The following TMEM87A variants were observed in gnomAD, a reference collection of about 807,000 sequenced individuals.
TMEM87A encodes the protein Golgi-pH regulating cation channel.
A neutral mutation model predicts 90.0 loss-of-function variants in TMEM87A; 50 were observed. The ratio of observed to expected loss-of-function variants is 0.56; its 90% CI spans 0.44 to 0.70. The LOEUF (loss-of-function observed/expected upper bound fraction) is 0.70. Ranked by LOEUF, TMEM87A falls within the 30% of genes least tolerant of loss-of-function variation. The pLI is 0.00. For synonymous variants in TMEM87A, 226 were observed against 226.7 expected (o/e 1.00, Z 0.03); for missense variants, 577 against 660.5 (o/e 0.87, Z 1.39).
chr15:42,260,835 A>T, intron 6 of TMEM87A, 123 bp downstream of exon 6: 1 of 1,078,356 alleles, frequency 9.3e-7, no homozygotes, highest in Non-Finnish European at 1.3e-6. Flanking sequence ...ATTTTGGTCT[A>T]TAGCTTCCAG....
chr15:42,221,202 T>C lies in TMEM87A; in HGVS notation c.1404-1067A>G, dbSNP rs145673722. Among the ~76,000 whole-genome samples the C allele has an allele frequency of 1.5e-3, 233 of 151,142 alleles. 2 individuals are homozygous for C. The highest frequency in any genetic ancestry group is 4.6e-3 in the African/African-American group (189 of 41,110). On this transcript the variant is annotated intron_variant, in intron 15 of 19. Transcript: ENST00000389834. Reference sequence around the variant, plus strand: ...GAACAGAAGTTGCAGTGAGCCAAGATTGCACCACTGCACTCCAGCCTGGGC... The same window carrying C: ...GAACAGAAGTTGCAGTGAGCCAAGACTGCACCACTGCACTCCAGCCTGGGC...
intron 12 of TMEM87A, 51 bp downstream of exon 12, chr15:42,231,141 T>C: frequency 9.6e-7 from 1 of 1,043,638 alleles, no homozygotes; most frequent in Non-Finnish European, 1.3e-6. Flanking sequence ...TGGAAACCCA[T>C]CTCAAGGGGA....
chr15:42,246,390 C>T (rs1173799909), intron 6 of TMEM87A, among the ~76,000 whole-genome samples: 1 of 152,074 alleles, frequency 6.6e-6, no homozygotes, highest in Non-Finnish European at 1.5e-5. Flanking sequence ...TGGTTTGTTG[C>T]ACCCATTAAC....
intron 11 of TMEM87A, chr15:42,231,695 A>G (rs1182752395): frequency 1.6e-5 from 3 of 185,224 alleles, no homozygotes; most frequent in Admixed American, 6.3e-5. Context: ...TAAAATTATA[A>G]TATTTTACAA....
chr15:42,227,888 C>T, intron 13 of TMEM87A, 119 bp from the exon 14 acceptor site: 1 of 778,280 alleles, frequency 1.3e-6, no homozygotes, highest in Non-Finnish European at 2.2e-6. Flanking sequence ...TACATCACAA[C>T]TCTATCAGTT....
intron 6 of TMEM87A, 115 bp downstream of exon 6, chr15:42,260,843 C>A: frequency 8.6e-7 from 1 of 1,166,748 alleles, no homozygotes; most frequent in Non-Finnish European, 1.2e-6. Flanking sequence ...CTATAGCTTC[C>A]AGATTTAACT....
intron 14 of TMEM87A, 44 bp from the exon 15 acceptor site, chr15:42,226,953 A>G: frequency 6.4e-7 from 1 of 1,557,960 alleles, no homozygotes; most frequent in Non-Finnish European, 8.8e-7. Context: ...ACATTATCTT[A>G]ACCCCTTGTT....
intron 6 of TMEM87A, among the ~76,000 whole-genome samples, chr15:42,246,302 GT>G (rs201536145): frequency 8.6e-5 from 13 of 150,968 alleles, no homozygotes; most frequent in South Asian, 2.1e-4. Context: ...AAGTTTTGTT[GT>G]TTTTTTTTAT....
At chr15:42,229,285 C>T (rs1259517107) in intron 12 of TMEM87A, among the ~76,000 whole-genome samples, 2 of 151,720 alleles carry the variant, frequency 1.3e-5, no homozygotes, top group Admixed American at 1.3e-4. Flanking sequence ...ATTACAGGCA[C>T]GAGCCACCAT....
At chr15:42,270,497 G>A (rs2051499515) in intron 2 of TMEM87A, among the ~76,000 whole-genome samples, 1 of 152,204 alleles carries the variant, frequency 6.6e-6, no homozygotes, top group African/African-American at 2.4e-5. Context: ...TCGGGAGGCT[G>A]AGGCAGGAGA....
chr15:42,240,461 A>C (rs1476258680), intron 7 of TMEM87A, among the ~76,000 whole-genome samples: 1 of 152,206 alleles, frequency 6.6e-6, no homozygotes, highest in African/African-American at 2.4e-5. Context: ...ACTTCCCCAA[A>C]ACCTGCTAGT....
chr15:42,217,961 T>C, intron 18 of TMEM87A, 128 bp from the exon 19 acceptor site: 1 of 884,612 alleles, frequency 1.1e-6, no homozygotes, highest in South Asian at 2.0e-5. Context: ...TTAATGGCCC[T>C]TTTAGGAAAA....
chr15:42,237,872 C>A (rs1185509637), intron 8 of TMEM87A, among the ~76,000 whole-genome samples: 1 of 152,064 alleles, frequency 6.6e-6, no homozygotes, highest in East Asian at 1.9e-4. Context: ...TATATTCTAC[C>A]TTCTAGTTAA....
chr15:42,240,094 A>G, intron 7 of TMEM87A, among the ~76,000 whole-genome samples: 1 of 152,324 alleles, frequency 6.6e-6, no homozygotes, highest in South Asian at 2.1e-4. Context: ...AACATACTTC[A>G]TATATACTTT....
intron 12 of TMEM87A, among the ~76,000 whole-genome samples, 158 bp downstream of exon 12, chr15:42,231,034 T>TACCTTAACA (rs1233093300): frequency 2.0e-5 from 3 of 152,214 alleles, no homozygotes; most frequent in Non-Finnish European, 4.4e-5. Flanking sequence ...AAAAACTGCT[T>TACCTTAACA]ACCTGAACCC....
At chr15:42,218,180 A>C in intron 18 of TMEM87A, 143 bp downstream of exon 18, 1 of 845,960 alleles carries the variant, frequency 1.2e-6, no homozygotes, top group South Asian at 1.9e-5. Context: ...AACCCAATTA[A>C]TTTTGTTTGC....
At chr15:42,229,834 T>C (rs2050657351) in intron 12 of TMEM87A, among the ~76,000 whole-genome samples, 1 of 152,220 alleles carries the variant, frequency 6.6e-6, no homozygotes, top group Admixed American at 6.5e-5. Flanking sequence ...TTCAATGTTC[T>C]TTTCTTTTTG....
intron 6 of TMEM87A, among the ~76,000 whole-genome samples, chr15:42,246,338 C>T (rs1480542469): frequency 6.6e-6 from 1 of 152,120 alleles, no homozygotes; most frequent in African/African-American, 2.4e-5. Flanking sequence ...GGTACATGTG[C>T]ACAACGTGCA....
chr15:42,219,314 T>C (rs1478606244), intron 17 of TMEM87A, among the ~76,000 whole-genome samples: 1 of 152,244 alleles, frequency 6.6e-6, no homozygotes, highest in African/African-American at 2.4e-5. Context: ...CCTTAACAGA[T>C]GCAATGTTTG....
Sources: gnomAD v4.1 joint callset for allele counts (sites outside exome capture counted in the v4.1 genomes callset) on GRCh38, gnomAD v4.1.1 for gene constraint, MANE v1.5 for transcripts, NCBI Gene and HGNC (gene_info 2026-07-23, HGNC 2026-07-21) for gene names.